The following NUP98 variants were observed in gnomAD, a reference collection of about 807,000 sequenced individuals.
NUP98 encodes nucleoporin 98 and 96 precursor.
In NUP98, 26 loss-of-function variants were observed where a neutral mutation model predicts 191.9. That is an observed-to-expected ratio of 0.14 (90% CI 0.10 to 0.19). NUP98 has a LOEUF of 0.19. Among genes scored for constraint, NUP98 ranks in the 10% least tolerant of loss-of-function variants. The pLI is 1.00. For missense variants in NUP98, 1,941 were observed against 2,178.8 expected, an observed-to-expected ratio of 0.89 and a Z score of 2.17; for synonymous variants, 808 against 778.4, an observed-to-expected ratio of 1.04 and a Z score of -0.63.
intron 11 of NUP98, 36 bp from the exon 12 acceptor site, chr11:3,744,685 A>G: frequency 1.9e-6 from 3 of 1,579,738 alleles, no homozygotes; most frequent in Non-Finnish European, 2.6e-6. Flanking sequence ...AGCACCACAG[A>G]AGATCCTTTC....
intron 12 of NUP98, among the ~76,000 whole-genome samples, chr11:3,739,319 G>A (rs776006566): frequency 4.6e-5 from 7 of 152,048 alleles, no homozygotes; most frequent in Non-Finnish European, 1.0e-4. Flanking sequence ...GCGCGATCTC[G>A]GCTCACTGCA....
chr11:3,746,566 A>T (rs754970307), intron 11 of NUP98, among the ~76,000 whole-genome samples: 26 of 151,936 alleles, frequency 1.7e-4, no homozygotes, highest in Non-Finnish European at 3.7e-4. Context: ...ATGACCCATG[A>T]ATCATTCTAA....
Position 3,699,228 on chromosome 11 carries a change from G to T in NUP98, c.3863C>A (p.Ala1288Asp). 2.5e-6 allele frequency: 4 copies of T among 1,614,194 alleles called. No individual in the cohort carries two copies. Among genetic ancestry groups the T allele is most frequent in the Non-Finnish European group, 3.4e-6 (4 of 1,180,040 alleles). Residue 1288 changes from alanine to aspartate, a missense_variant, in exon 25 of 33, where the codon GCT (alanine) becomes GAT (aspartate). By Grantham distance (126) the Ala-to-Asp change is moderately radical. Around this residue, in one of 6 missense-constraint regions of NUP98, gnomAD observed 1,030 missense variants for 1,115.8 expected, o/e 0.92. Transcript: ENST00000324932. ...AGTACAGGATAGCCAGCGGGAGAAA[G>T]CTCTTCTTCGCTCCAGAATTTGAAT... ...EYIQILERRR[A>D]FSRWLSCTAT...
intron 11 of NUP98, among the ~76,000 whole-genome samples, chr11:3,750,838 G>A (rs2080722825): frequency 2.0e-5 from 3 of 151,132 alleles, no homozygotes; most frequent in Admixed American, 2.0e-4. Context: ...ATCTTACTAT[G>A]TTGCTCAAGA....
intron 22 of NUP98, 39 bp from the exon 23 acceptor site, chr11:3,702,931 C>T (rs772864083): frequency 8.1e-6 from 12 of 1,487,592 alleles, no homozygotes; most frequent in East Asian, 2.3e-5. Flanking sequence ...AAGACTATTA[C>T]AAAACACAAG....
chr11:3,682,614 CCAAAA>C (rs1471128325), intron 30 of NUP98, among the ~76,000 whole-genome samples: 1 of 152,044 alleles, frequency 6.6e-6, no homozygotes, highest in Non-Finnish European at 1.5e-5. Flanking sequence ...TGGTGGCACC[CCAAAA>C]CAAAACAGCA....
In NUP98 at chr11:3,782,046, T is replaced by A; in HGVS notation, c.72A>T (p.Gly24=). Residue 24 remains glycine (G), a synonymous_variant, in exon 2 of 33, where the codon GGA becomes GGT. Coordinates refer to ENST00000324932, the MANE Select transcript of NUP98 (RefSeq NM_016320.5). ...TTGTCCTTTTTAAAAACTTACTCTG[T>A]CCAAATGTTGAAGTTGTGCCAAAGC... ...TGGFGTTSTF[G]QNTGFGTTSG... is the part of the protein sequence containing the mutation. 6.2e-7 allele frequency: 1 copy of A among 1,611,602 alleles called. No individual in the cohort carries two copies. Among genetic ancestry groups the A allele is most frequent in the Non-Finnish European group, 8.5e-7 (1 of 1,178,294 alleles).
intron 11 of NUP98, among the ~76,000 whole-genome samples, chr11:3,751,024 G>A (rs2080729294): frequency 6.6e-6 from 1 of 152,028 alleles, no homozygotes; most frequent in South Asian, 2.1e-4. Context: ...CTCAGTCTCT[G>A]GCTTAAAAGT....
chr11:3,776,476 AT>A (rs1337136920), intron 4 of NUP98, among the ~76,000 whole-genome samples: 1 of 148,356 alleles, frequency 6.7e-6, no homozygotes, highest in Non-Finnish European at 1.5e-5. Context: ...ATATATTCAA[AT>A]AGAAATTTCT....
At position 3,740,157 on chromosome 11, in the gene NUP98, G is replaced by C. The variant is rs1220762898; in HGVS notation, c.1408+4352C>G. On this transcript the variant is annotated intron_variant, in intron 12 of 32. Transcript: ENST00000324932. ...TACCTTGGAGAATCCCAGAAGTCTA[G>C]GGACTTCAGAATACCAGGTTTGATG... is the stretch of plus-strand genomic sequence containing the variant. Among the ~76,000 whole-genome samples the C allele has an allele frequency of 2.0e-5, 3 of 152,106 alleles. No homozygotes were observed. The East Asian group carries it at 5.8e-4, about 29-fold the overall frequency.
rs780918391 is a variant in NUP98 at position 3,702,370 on chromosome 11, A to C, written c.3512+93T>G. On this transcript the variant is annotated intron_variant, in intron 23 of 32. Coordinates refer to ENST00000324932, the MANE Select transcript of NUP98 (RefSeq NM_016320.5). ...TCTCTCTCTCTCTCTCTCTCTCTCT[A>C]GAAAGATGACAAAGCAGGGCCCTAT... The C allele has an allele frequency of 1.5e-4, 119 of 781,928 alleles. 1 individual carries two copies. The highest frequency in any genetic ancestry group is 2.7e-4 in the Middle Eastern group (1 of 3,712). The allele number at this position is 781,928 out of a possible 1,614,324, so 48.4% of individuals were successfully genotyped here.
At chr11:3,790,862 T>G (rs1417998993) in intron 1 of NUP98, among the ~76,000 whole-genome samples, 2 of 152,010 alleles carry the variant, frequency 1.3e-5, no homozygotes, top group Admixed American at 1.3e-4. Context: ...TTTTGAAAGC[T>G]AAATGTAGTT....
chr11:3,752,398 T>TA (rs1341382955), intron 11 of NUP98, among the ~76,000 whole-genome samples: 1 of 151,466 alleles, frequency 6.6e-6, no homozygotes, highest in South Asian at 2.1e-4. Flanking sequence ...ACACCTGTAA[T>TA]CCCAGCTACT....
chr11:3,702,668 G>A lies in NUP98; in HGVS notation c.3307C>T (p.Arg1103Cys), dbSNP rs752419423. 3.7e-6 allele frequency: 6 copies of A among 1,614,126 alleles called. No homozygotes were observed. The highest frequency in any genetic ancestry group is 1.7e-5 in the Admixed American group (1 of 59,994). The change falls in exon 23 of 33, where the codon CGT becomes TGT. Residue 1103 changes from arginine (R) to cysteine (C), a missense_variant. Physicochemically the swap from Arg to Cys is radical, Grantham distance 180. This residue lies in a region of NUP98 where 1,030 missense variants were observed against 1,115.8 expected (regional missense o/e 0.92). Coordinates refer to ENST00000324932, the MANE Select transcript of NUP98 (RefSeq NM_016320.5). ...GTRRQLGLVP[R>C]EKSVTYGKGK... ...TTGCCATAGGTGACAGACTTTTCAC[G>A]AGGGACTAGGCCTAGTTGCCTACGT...
At chr11:3,709,166 A>G (rs747280918) in intron 20 of NUP98, among the ~76,000 whole-genome samples, 1 of 152,228 alleles carries the variant, frequency 6.6e-6, no homozygotes, top group African/African-American at 2.4e-5. Flanking sequence ...TAAATAATTC[A>G]TACTGTCCTC....
chr11:3,705,147 A>G (rs1339045871), intron 22 of NUP98, 53 bp downstream of exon 22: 3 of 1,560,600 alleles, frequency 1.9e-6, no homozygotes, highest in Admixed American at 3.4e-5. Context: ...AGTGAAAAGC[A>G]GGACTTGATG....
intron 9 of NUP98, 77 bp downstream of exon 9, chr11:3,762,825 A>C (rs1211608573): frequency 4.7e-6 from 7 of 1,505,068 alleles, no homozygotes; most frequent in Non-Finnish European, 6.4e-6. Flanking sequence ...CCTGCAAAAC[A>C]GTCAAATCCT....
intron 14 of NUP98, among the ~76,000 whole-genome samples, chr11:3,725,499 G>A (rs1299465665): frequency 6.6e-6 from 1 of 152,084 alleles, no homozygotes; most frequent in African/African-American, 2.4e-5. Context: ...TCCCAGCTCT[G>A]AGCACTTTAT....
At chr11:3,697,798 A>AAC (rs1035395962) in intron 25 of NUP98, among the ~76,000 whole-genome samples, 1 of 147,400 alleles carries the variant, frequency 6.8e-6, no homozygotes, top group Non-Finnish European at 1.5e-5. Context: ...CAGTCTGGTA[A>AAC]ACACACAGAC....
Sources: allele counts gnomAD v4.1 joint callset (sites outside exome capture counted in the v4.1 genomes callset), GRCh38; gene constraint gnomAD v4.1.1; regional missense constraint gnomAD v4.1.1; transcripts MANE v1.5; gene names NCBI Gene and HGNC (gene_info 2026-07-23, HGNC 2026-07-21).